The following RGS17 variants were observed in gnomAD, a reference collection of about 807,000 sequenced individuals.
RGS17 encodes the protein regulator of G protein signaling 17.
Under a neutral mutation model 25.5 loss-of-function variants are expected in RGS17, and 12 were observed. The ratio of observed to expected loss-of-function variants is 0.47; its 90% CI spans 0.30 to 0.76. RGS17 has a LOEUF of 0.76. Among genes scored for constraint, RGS17 ranks in the 30% least tolerant of loss-of-function variants. The pLI, the probability that RGS17 is intolerant of heterozygous loss-of-function variation, is 0.07. For synonymous variants in RGS17, 71 were observed against 76.9 expected (o/e 0.92, Z 0.40); for missense variants, 196 against 242.2 (o/e 0.81, Z 1.27).
In RGS17 at chr6:153,008,403, CTTG is replaced by C. The variant is rs1227192560; in HGVS notation, c.*3168_*3170del. 3 of 151,982 alleles carry C rather than the reference CTTG, an allele frequency of 2.0e-5. No individual in the cohort carries two copies. The highest frequency in any genetic ancestry group is 4.8e-5 in the African/African-American group (2 of 41,394). 9.4% of individuals were successfully genotyped at this position (151,982 alleles called of 1,614,324 possible). A position where few individuals can be genotyped will look rare whatever the true frequency, so the allele number is the denominator to read the frequency against. ...TTTAGTATCAAAGTTGTGTTTTGCTCTTGTTGTTCATGTGCACACTCCAACACT... is the reference window on the plus strand; with the variant it reads ...TTTAGTATCAAAGTTGTGTTTTGCTCTTGTTCATGTGCACACTCCAACACT... On this transcript the variant is annotated 3_prime_UTR_variant, in exon 5 of 5. Transcript: ENST00000206262.
At chr6:153,106,721 C>A (rs1777390193) in intron 1 of RGS17, among the ~76,000 whole-genome samples, 2 of 151,984 alleles carry the variant, frequency 1.3e-5, no homozygotes, top group Admixed American at 6.5e-5. Flanking sequence ...CAGCTCATTA[C>A]AACCTCCACC....
chr6:153,046,593 CA>C, intron 1 of RGS17, among the ~76,000 whole-genome samples: 1 of 151,870 alleles, frequency 6.6e-6, no homozygotes, highest in Admixed American at 6.6e-5. Context: ...AAAACAAACA[CA>C]AATAGCTATT....
At chr6:153,056,425 G>A (rs866245645) in intron 1 of RGS17, among the ~76,000 whole-genome samples, 6 of 152,090 alleles carry the variant, frequency 3.9e-5, no homozygotes, top group East Asian at 1.9e-4. Flanking sequence ...ATGGATTAAC[G>A]AATAGAAGCA....
chr6:153,040,369 A>T (rs1272517345), intron 2 of RGS17, among the ~76,000 whole-genome samples: 1 of 152,244 alleles, frequency 6.6e-6, no homozygotes, highest in Non-Finnish European at 1.5e-5. Flanking sequence ...ATCTATTTAA[A>T]AATGAGAGAA....
At chr6:153,024,147 C>T in intron 4 of RGS17, 115 bp downstream of exon 4, 1 of 653,222 alleles carries the variant, frequency 1.5e-6, no homozygotes. Flanking sequence ...AATTATCTAC[C>T]CAGTGAAATC....
chr6:153,083,026 T>C (rs11155892), intron 1 of RGS17, among the ~76,000 whole-genome samples: 79,280 of 151,902 alleles, frequency 0.52, 21,133 homozygotes, highest in Non-Finnish European at 0.57. Flanking sequence ...GACCTGGGAA[T>C]CTTTTGGTTT....
At chr6:153,049,975 C>T (rs1179349696) in intron 1 of RGS17, among the ~76,000 whole-genome samples, 1 of 152,112 alleles carries the variant, frequency 6.6e-6, no homozygotes, top group African/African-American at 2.4e-5. Flanking sequence ...TAATAAAACT[C>T]TCAGAGAGCT....
At chr6:153,048,472 G>A (rs1186174515) in intron 1 of RGS17, among the ~76,000 whole-genome samples, 1 of 152,180 alleles carries the variant, frequency 6.6e-6, no homozygotes, top group Non-Finnish European at 1.5e-5. Flanking sequence ...GATAATTTCA[G>A]CAAAGACTCT....
At chr6:153,029,179 G>A (rs1008388756) in intron 2 of RGS17, among the ~76,000 whole-genome samples, 2 of 152,212 alleles carry the variant, frequency 1.3e-5, no homozygotes, top group Admixed American at 6.5e-5. Context: ...ACTATTCACT[G>A]TGCAGCTCTT....
At position 153,054,067 on chromosome 6, in the gene RGS17, C is replaced by T. The variant is rs28473682; in HGVS notation, c.-25-10024G>A. ...TGTATATATGTATATAATATATATA[C>T]ATATATATATACACACAATATTTTT... On this transcript the variant is annotated intron_variant, in intron 1 of 4. Transcript: ENST00000206262. 1.4e-3 allele frequency among the ~76,000 whole-genome samples: 56 copies of T among 39,948 alleles called. 1 individual carries two copies. The highest frequency in any genetic ancestry group is 2.6e-3 in the South Asian group (3 of 1,136). 26.2% of individuals were successfully genotyped at this position (39,948 alleles called of 152,430 possible). A position where few individuals can be genotyped will look rare whatever the true frequency, so the allele number is the denominator to read the frequency against.
In RGS17 at chr6:153,054,102, A is replaced by ATGTGTG. The variant is rs1398349694; in HGVS notation, c.-25-10060_-25-10059insCACACA. The stretch of plus-strand genomic sequence containing the variant: ...TACACACAATATTTTTTATATATAT[A>ATGTGTG]TATATATATATGTGTATATATATAT... On this transcript the variant is annotated intron_variant, in intron 1 of 4. Coordinates refer to ENST00000206262, the MANE Select transcript of RGS17 (RefSeq NM_012419.5). Among the ~76,000 whole-genome samples the ATGTGTG allele has an allele frequency of 7.7e-4, 76 of 99,208 alleles. 8 individuals carry two copies. Among genetic ancestry groups the ATGTGTG allele is most frequent in the African/African-American group, 2.4e-3 (58 of 24,282 alleles). 65.1% of individuals were successfully genotyped at this position (99,208 alleles called of 152,430 possible). A position where few individuals can be genotyped will look rare whatever the true frequency, so the allele number is the denominator to read the frequency against.
intron 1 of RGS17, among the ~76,000 whole-genome samples, chr6:153,048,850 T>C (rs946127463): frequency 1.3e-5 from 2 of 152,190 alleles, no homozygotes; most frequent in Non-Finnish European, 2.9e-5. Context: ...CTAGTCATAC[T>C]ACAAGTTTTA....
intron 1 of RGS17, among the ~76,000 whole-genome samples, chr6:153,127,534 T>C (rs1416875904): frequency 1.3e-5 from 2 of 152,182 alleles, no homozygotes; most frequent in East Asian, 3.8e-4. Context: ...ATTAGTAACT[T>C]GCCTACAGCA....
At chr6:153,059,055 C>A (rs1044933122) in intron 1 of RGS17, among the ~76,000 whole-genome samples, 4 of 152,014 alleles carry the variant, frequency 2.6e-5, no homozygotes, top group Admixed American at 1.3e-4. Context: ...AGTGAATATA[C>A]CCATGTAATT....
At chr6:153,073,685 A>AG (rs1776838592) in intron 1 of RGS17, among the ~76,000 whole-genome samples, 1 of 152,132 alleles carries the variant, frequency 6.6e-6, no homozygotes, top group African/African-American at 2.4e-5. Flanking sequence ...GAATATAGGT[A>AG]GGTCAAGAGA....
chr6:153,044,721 C>A (rs907579659), intron 1 of RGS17, among the ~76,000 whole-genome samples: 1 of 152,198 alleles, frequency 6.6e-6, no homozygotes, highest in Non-Finnish European at 1.5e-5. Flanking sequence ...TAAAAGTCAT[C>A]AAATTCAGGG....
intron 4 of RGS17, among the ~76,000 whole-genome samples, chr6:153,016,272 G>C (rs1779183209): frequency 6.6e-6 from 1 of 152,162 alleles, no homozygotes; most frequent in South Asian, 2.1e-4. Context: ...GCATTTATAT[G>C]CCAGAGGGAA....
chr6:153,076,368 A>G (rs1427329937), intron 1 of RGS17, among the ~76,000 whole-genome samples: 1 of 152,180 alleles, frequency 6.6e-6, no homozygotes, highest in Non-Finnish European at 1.5e-5. Context: ...GTTAAGAAAA[A>G]CTGTAATATT....
chr6:153,020,111 A>AAAAAT (rs1426592195), intron 4 of RGS17, among the ~76,000 whole-genome samples: 21 of 58,462 alleles, frequency 3.6e-4, no homozygotes, highest in East Asian at 2.6e-3. Flanking sequence ...AAAAAAAAAA[A>AAAAAT]ATATATATAT....
Sources: allele counts gnomAD v4.1 joint callset (sites outside exome capture counted in the v4.1 genomes callset), GRCh38; gene constraint gnomAD v4.1.1; transcripts MANE v1.5; gene names NCBI Gene and HGNC (gene_info 2026-07-23, HGNC 2026-07-21).